The following SMC6 variants were observed in gnomAD, a reference collection of about 807,000 sequenced individuals.
SMC6 encodes the protein structural maintenance of chromosomes protein 6.
In SMC6, 79 loss-of-function variants were observed where a neutral mutation model predicts 142.2. The ratio of observed to expected loss-of-function variants is 0.56; its 90% CI spans 0.46 to 0.67. The LOEUF is 0.67. SMC6 is among the 30% of genes least tolerant of loss of function. SMC6 has a pLI of 0.00. For missense variants in SMC6, 1,072 were observed against 1,284.0 expected (o/e 0.83, Z 2.52); for synonymous variants, 411 against 412.4 (o/e 1.00, Z 0.04).
At chr2:17,682,070 T>C (rs1332355219) in intron 24 of SMC6, 4 of 152,146 alleles carry the variant, frequency 2.6e-5, no homozygotes, top group East Asian at 1.9e-4. Flanking sequence ...TATGTAGTAA[T>C]AGAGATTGGG....
At chr2:17,685,806 C>A (rs1294687239) in intron 23 of SMC6, among the ~76,000 whole-genome samples, 1 of 151,952 alleles carries the variant, frequency 6.6e-6, no homozygotes, top group Non-Finnish European at 1.5e-5. Flanking sequence ...TAAAAATAAT[C>A]TTTTCATGGC....
chr2:17,721,362 A>C lies in SMC6; in HGVS notation c.727-101T>G, dbSNP rs898680391. 7.2e-6 allele frequency: 8 copies of C among 1,117,780 alleles called. No individual in the cohort carries two copies. The African/African-American group carries it at 1.3e-4, about 18-fold the overall frequency. The allele number at this position is 1,117,780 out of a possible 1,614,324, so 69.2% of individuals were successfully genotyped here. The stretch of plus-strand genomic sequence containing the variant: ...TAAAAACAATGCCTAAACAAGTACT[A>C]CATAAATATTCGTTTAAAAATAACT... On this transcript the variant is annotated intron_variant, in intron 9 of 27. Coordinates refer to ENST00000448223, the MANE Select transcript of SMC6 (RefSeq NM_001142286.2).
At chr2:17,744,809 C>T (rs1670657536) in intron 3 of SMC6, among the ~76,000 whole-genome samples, 1 of 152,146 alleles carries the variant, frequency 6.6e-6, no homozygotes, top group Admixed American at 6.6e-5. Flanking sequence ...TTTTATCAAA[C>T]ACTTTTGCTG....
rs1349083729 is a variant in SMC6 at position 17,694,019 on chromosome 2, AAAAAAG to A, written c.2678+1127_2678+1132del. ...CCATCTCAAAAAAAAAAAAAAAAAA[AAAAAAG>A]AATGAAATCCTGTCATTTACAGCAA... On this transcript the variant is annotated intron_variant, in intron 23 of 27. Transcript: ENST00000448223. Among the ~76,000 whole-genome samples the A allele has an allele frequency of 1.9e-3, 280 of 148,738 alleles. 5 individuals are homozygous for A. The highest frequency in any genetic ancestry group is 6.3e-3 in the African/African-American group (248 of 39,516).
At position 17,703,147 on chromosome 2, in the gene SMC6, A is replaced by AT. The variant is rs750722877; in HGVS notation, c.2142+9dup. The AT allele has an allele frequency of 6.7e-6, 9 of 1,335,464 alleles. No individual in the cohort carries two copies. Among genetic ancestry groups the AT allele is most frequent in the Non-Finnish European group, 8.2e-6 (8 of 972,482 alleles). 82.7% of individuals were successfully genotyped at this position (1,335,464 alleles called of 1,614,324 possible). A position where few individuals can be genotyped will look rare whatever the true frequency, so the allele number is the denominator to read the frequency against. ...AAACAAAAGAAGGTTTATTATTATT[A>AT]TTTTTTTACCTTTAGTTCTTTATAA... On this transcript the variant is annotated intron_variant, in intron 19 of 27. Coordinates refer to ENST00000448223, the MANE Select transcript of SMC6 (RefSeq NM_001142286.2).
At chr2:17,746,121 G>T in intron 2 of SMC6, 170 bp from the exon 3 acceptor site, 2 of 618,368 alleles carry the variant, frequency 3.2e-6, no homozygotes, top group Non-Finnish European at 4.9e-6. Flanking sequence ...AGAGGGACAT[G>T]AGTCAAAAAA....
At chr2:17,738,474 G>A in intron 4 of SMC6, 148 bp from the exon 5 acceptor site, 1 of 502,390 alleles carries the variant, frequency 2.0e-6, no homozygotes, top group Non-Finnish European at 3.3e-6. Context: ...CCCGTGCAAA[G>A]CAACAACTTA....
chr2:17,714,719 C>A, intron 16 of SMC6, 142 bp downstream of exon 16: 1 of 826,092 alleles, frequency 1.2e-6, no homozygotes, highest in South Asian at 1.7e-5. Flanking sequence ...AGAACTAATA[C>A]CTAGACAGAA....
chr2:17,750,904 T>A (rs1048481813), intron 2 of SMC6, among the ~76,000 whole-genome samples: 16 of 143,496 alleles, frequency 1.1e-4, no homozygotes, highest in Admixed American at 7.1e-4. Context: ...ACTCAGGAGG[T>A]TGAGGCAGGA....
intron 25 of SMC6, among the ~76,000 whole-genome samples, chr2:17,674,489 T>C (rs977312988): frequency 3.3e-5 from 5 of 152,224 alleles, no homozygotes; most frequent in Admixed American, 6.5e-5. Flanking sequence ...ATGTTCCACA[T>C]GTACTTCAAA....
chr2:17,712,774 C>T (rs1668892861), intron 16 of SMC6, among the ~76,000 whole-genome samples: 1 of 152,098 alleles, frequency 6.6e-6, no homozygotes, highest in African/African-American at 2.4e-5. Context: ...TCTTCAAACA[C>T]AGAAAAAAAT....
intron 16 of SMC6, among the ~76,000 whole-genome samples, chr2:17,709,282 C>T (rs1364684204): frequency 6.6e-6 from 1 of 152,088 alleles, no homozygotes; most frequent in Admixed American, 6.6e-5. Flanking sequence ...AATAGCTAAA[C>T]AATCTTTTCC....
chr2:17,691,318 G>C (rs1381739520), intron 23 of SMC6, among the ~76,000 whole-genome samples: 1 of 100,374 alleles, frequency 1.0e-5, no homozygotes, highest in African/African-American at 5.3e-5. Flanking sequence ...ATTCTGGTGT[G>C]TGTGTGTGTG....
intron 24 of SMC6, among the ~76,000 whole-genome samples, chr2:17,682,414 T>A (rs1667275358): frequency 6.6e-6 from 1 of 152,138 alleles, no homozygotes. Context: ...GAAATCAAAG[T>A]GGAGCTGTTG....
chr2:17,700,374 T>A lies in SMC6; in HGVS notation c.2228A>T (p.Asp743Val), dbSNP rs755856150. ...HQSVDIATLEDEAQENKSKMK... is the reference protein window; with the variant it reads ...HQSVDIATLEVEAQENKSKMK... ...TTTGCTTTTATTTTCCTGAGCTTCA[T>A]CTTCCTGATAAAATTTAAACAGCAT... is the stretch of plus-strand genomic sequence containing the variant. Residue 743 changes from aspartate (D) to valine (V), a missense_variant, in exon 21 of 28, where the codon GAT (aspartate) becomes GTT (valine). Asp to Val is a radical substitution (Grantham distance 152, BLOSUM62 -3). This residue lies in a region of SMC6 where 994 missense variants were observed against 1,153.2 expected (regional missense o/e 0.86). Transcript: ENST00000448223. The A allele has an allele frequency of 1.9e-6, 3 of 1,593,830 alleles. No homozygotes were observed. The highest frequency in any genetic ancestry group is 1.7e-6 in the Non-Finnish European group (2 of 1,173,162).
intron 5 of SMC6, among the ~76,000 whole-genome samples, chr2:17,734,888 C>T (rs1001517865): frequency 6.6e-6 from 1 of 152,074 alleles, no homozygotes; most frequent in Non-Finnish European, 1.5e-5. Flanking sequence ...CCCACCACCA[C>T]ATCCAGCTAA....
chr2:17,709,372 T>A (rs1397442231), intron 16 of SMC6, among the ~76,000 whole-genome samples: 1 of 152,184 alleles, frequency 6.6e-6, no homozygotes, highest in Non-Finnish European at 1.5e-5. Context: ...TTCTTATGAA[T>A]TGTAATTTGG....
chr2:17,742,038 G>T (rs1245674242), intron 3 of SMC6, among the ~76,000 whole-genome samples: 1 of 151,998 alleles, frequency 6.6e-6, no homozygotes, highest in Non-Finnish European at 1.5e-5. Context: ...ATGTTTAGTG[G>T]CATCCCCAGC....
chr2:17,726,562 G>T, intron 7 of SMC6, 93 bp from the exon 8 acceptor site: 1 of 1,015,224 alleles, frequency 9.9e-7, no homozygotes, highest in Non-Finnish European at 1.5e-6. Flanking sequence ...GACCTATGGT[G>T]CCATCAGGAA....
Sources: gnomAD v4.1 joint callset for allele counts (sites outside exome capture counted in the v4.1 genomes callset) on GRCh38, gnomAD v4.1.1 for gene constraint, gnomAD v4.1.1 regional missense constraint, MANE v1.5 for transcripts, NCBI Gene and HGNC (gene_info 2026-07-23, HGNC 2026-07-21) for gene names.